ZDHHC21: variants seen among roughly 807,000 people sequenced by gnomAD.
The protein encoded by ZDHHC21 is zDHHC palmitoyltransferase 21, also known as palmitoyltransferase ZDHHC21.
A neutral mutation model predicts 34.6 loss-of-function variants in ZDHHC21; 15 were observed. That is an observed-to-expected ratio of 0.43 (90% confidence interval 0.29 to 0.67). The LOEUF is 0.67. Ranked by LOEUF, ZDHHC21 falls within the 30% of genes least tolerant of loss-of-function variation. The pLI is 0.14. For synonymous variants in ZDHHC21, 142 were observed against 101.8 expected (o/e 1.40, Z -2.38); for missense variants, 344 against 327.7 (o/e 1.05, Z -0.38).
At chr9:14,690,301 A>G (rs2131713766) in intron 2 of ZDHHC21, 36 bp downstream of exon 2, 1 of 447,756 alleles carries the variant, frequency 2.2e-6, no homozygotes, top group Non-Finnish European at 4.4e-6. Flanking sequence ...GCCATGATTT[A>G]AGAACACTAA....
intron 2 of ZDHHC21, among the ~76,000 whole-genome samples, chr9:14,682,971 G>T (rs917843408): frequency 1.3e-5 from 2 of 152,166 alleles, no homozygotes; most frequent in Admixed American, 6.5e-5. Context: ...CAGAAATAAA[G>T]ATGTTATTTG....
At chr9:14,652,134 T>G (rs1230539139) in intron 7 of ZDHHC21, among the ~76,000 whole-genome samples, 1 of 151,976 alleles carries the variant, frequency 6.6e-6, no homozygotes, top group Non-Finnish European at 1.5e-5. Flanking sequence ...CAAAAAATGT[T>G]TAATTTATCT....
intron 7 of ZDHHC21, among the ~76,000 whole-genome samples, chr9:14,653,321 C>A (rs913914950): frequency 4.6e-5 from 7 of 151,792 alleles, no homozygotes; most frequent in African/African-American, 1.5e-4. Context: ...GAATATTCCA[C>A]CATAAAACAT....
At chr9:14,619,189 C>T in intron 9 of ZDHHC21, 91 bp from the exon 10 acceptor site, 1 of 1,360,800 alleles carries the variant, frequency 7.3e-7, no homozygotes, top group East Asian at 2.5e-5. Flanking sequence ...GGATCCATTA[C>T]TGGACTCTGA....
chr9:14,671,741 A>C (rs1222686931), intron 5 of ZDHHC21, among the ~76,000 whole-genome samples: 1 of 152,116 alleles, frequency 6.6e-6, no homozygotes, highest in Non-Finnish European at 1.5e-5. Context: ...TGATGGTTAC[A>C]CAACTGTGGG....
intron 7 of ZDHHC21, among the ~76,000 whole-genome samples, chr9:14,653,139 CCTGAATAATAGAA>C (rs1831547923): frequency 6.6e-6 from 1 of 151,836 alleles, no homozygotes; most frequent in Non-Finnish European, 1.5e-5. Context: ...TATTCCATAT[CCTGAATAATAGAA>C]AGGATAATAA....
chr9:14,597,971 C>A, the ZDHHC21 span, among the ~76,000 whole-genome samples: 1 of 152,204 alleles, frequency 6.6e-6, no homozygotes, highest in African/African-American at 2.4e-5. Flanking sequence ...GCCCAGCTCA[C>A]TGCCACCGCA....
chr9:14,681,893 C>G (rs1837446428), intron 2 of ZDHHC21, among the ~76,000 whole-genome samples: 1 of 152,170 alleles, frequency 6.6e-6, no homozygotes, highest in South Asian at 2.1e-4. Context: ...ATTCAACATT[C>G]CTAAAGAAAA....
chr9:14,613,903 C>T lies in ZDHHC21; in HGVS notation c.*5063G>A, dbSNP rs998772826. 6.6e-6 allele frequency: 1 copy of T among 151,672 alleles called. No homozygotes were observed. Among genetic ancestry groups the T allele is most frequent in the Non-Finnish European group, 1.5e-5 (1 of 67,740 alleles). 9.4% of individuals were successfully genotyped at this position (151,672 alleles called of 1,614,324 possible). ...TGAGTTTTCCACATTATTTTTAACACTTCACATGATCATACTCTACACAAT... is the reference window on the plus strand; with the variant it reads ...TGAGTTTTCCACATTATTTTTAACATTTCACATGATCATACTCTACACAAT... On this transcript the variant is annotated 3_prime_UTR_variant, in exon 10 of 10. Coordinates refer to ENST00000380916, the MANE Select transcript of ZDHHC21 (RefSeq NM_178566.6).
intron 7 of ZDHHC21, among the ~76,000 whole-genome samples, chr9:14,655,303 G>A (rs897784847): frequency 2.0e-5 from 3 of 151,684 alleles, no homozygotes; most frequent in African/African-American, 7.3e-5. Context: ...GCATCTTCAG[G>A]GAACCAACAC....
chr9:14,605,148 T>G, the ZDHHC21 span, among the ~76,000 whole-genome samples: 90 of 152,242 alleles, frequency 5.9e-4, no homozygotes, highest in African/African-American at 2.1e-3. Context: ...TTGGCTATTA[T>G]GAATACTGCA....
At chr9:14,689,462 A>G (rs188963329) in intron 2 of ZDHHC21, among the ~76,000 whole-genome samples, 129 of 152,328 alleles carry the variant, frequency 8.5e-4, no homozygotes, top group Non-Finnish European at 1.5e-3. Flanking sequence ...TACTTGCACT[A>G]TCAATGGTTT....
In ZDHHC21 at chr9:14,616,591, G is replaced by A. The variant is rs1293246261; in HGVS notation, c.*2375C>T. On this transcript the variant is annotated 3_prime_UTR_variant, in exon 10 of 10. Transcript: ENST00000380916. ...AAAAGAGGGCGCAGAAACAACACCA[G>A]TAGATATGCTTAGCAAACTGCCAGT... 1 of 151,682 alleles carries A rather than the reference G, an allele frequency of 6.6e-6. No homozygotes were observed. Among genetic ancestry groups the A allele is most frequent in the Non-Finnish European group, 1.5e-5 (1 of 67,774 alleles). The allele number at this position is 151,682 out of a possible 1,614,324, so 9.4% of individuals were successfully genotyped here. A position where few individuals can be genotyped will look rare whatever the true frequency, so the allele number is the denominator to read the frequency against.
intron 8 of ZDHHC21, among the ~76,000 whole-genome samples, chr9:14,621,215 A>G (rs1825251247): frequency 6.6e-6 from 1 of 152,076 alleles, no homozygotes; most frequent in Non-Finnish European, 1.5e-5. Context: ...GGAAAGGTAT[A>G]TGAATGGCCT....
chr9:14,613,711 C>G lies in ZDHHC21; in HGVS notation c.*5255G>C, dbSNP rs1167901626. On this transcript the variant is annotated 3_prime_UTR_variant, in exon 10 of 10. Coordinates refer to ENST00000380916, the MANE Select transcript of ZDHHC21 (RefSeq NM_178566.6). ...GAGGTATCAAGAACTCCAAAATATC[C>G]CAAATGTTAAAGTGAAAGCCACCCT... is the stretch of plus-strand genomic sequence containing the variant. 4 of 151,632 alleles carry G rather than the reference C, an allele frequency of 2.6e-5. No homozygotes were observed. The East Asian group carries it at 7.7e-4, about 29-fold the overall frequency. The allele number at this position is 151,632 out of a possible 1,614,324, so 9.4% of individuals were successfully genotyped here. A position where few individuals can be genotyped will look rare whatever the true frequency, so the allele number is the denominator to read the frequency against.
the ZDHHC21 span, among the ~76,000 whole-genome samples, chr9:14,601,932 T>G: frequency 6.6e-6 from 1 of 151,840 alleles, no homozygotes; most frequent in African/African-American, 2.4e-5. Context: ...CACTCATAAG[T>G]GGGAGTTGAA....
At chr9:14,633,957 G>C (rs559758372) in intron 8 of ZDHHC21, among the ~76,000 whole-genome samples, 16 of 152,282 alleles carry the variant, frequency 1.1e-4, no homozygotes, top group African/African-American at 3.8e-4. Flanking sequence ...CACAGCCACT[G>C]GGTGAATGTA....
At chr9:14,681,507 C>A (rs924490817) in intron 2 of ZDHHC21, among the ~76,000 whole-genome samples, 7 of 152,250 alleles carry the variant, frequency 4.6e-5, no homozygotes, top group Middle Eastern at 3.4e-3. Context: ...TGGATTTCAC[C>A]TGGAACACAG....
chr9:14,635,015 A>C (rs1828019076), intron 8 of ZDHHC21, among the ~76,000 whole-genome samples: 1 of 152,166 alleles, frequency 6.6e-6, no homozygotes, highest in Admixed American at 6.5e-5. Context: ...AACAAACTGA[A>C]GAATTCATTA....
Sources: gnomAD v4.1 joint callset for allele counts (sites outside exome capture counted in the v4.1 genomes callset) on GRCh38, gnomAD v4.1.1 for gene constraint, MANE v1.5 for transcripts, NCBI Gene and HGNC (gene_info 2026-07-23, HGNC 2026-07-21) for gene names.